The following HS3ST4 variants were observed in gnomAD, a reference collection of about 807,000 sequenced individuals.
HS3ST4 encodes heparan sulfate-glucosamine 3-sulfotransferase 4.
Under a neutral mutation model 29.2 loss-of-function variants are expected in HS3ST4, and 17 were observed. The observed-to-expected ratio is 0.58, with a 90% CI of 0.40 to 0.87. The LOEUF is 0.87. Among genes scored for constraint, HS3ST4 ranks in the 40% least tolerant of loss-of-function variants. The pLI, the probability that HS3ST4 is intolerant of heterozygous loss-of-function variation, is 0.00. For synonymous variants in HS3ST4, 314 were observed against 285.7 expected, an observed-to-expected ratio of 1.10 and a Z score of -1.00; for missense variants, 627 against 634.5, an observed-to-expected ratio of 0.99 and a Z score of 0.13.
At chr16:25,857,896 C>T (rs5010891) in intron 1 of HS3ST4, among the ~76,000 whole-genome samples, 12,622 of 56,902 alleles carry the variant, frequency 0.22, 728 homozygotes, top group East Asian at 0.3. Flanking sequence ...CTTTCTTTTT[C>T]TTTCTTCCTT....
intron 1 of HS3ST4, among the ~76,000 whole-genome samples, chr16:25,944,528 G>A (rs529828777): frequency 6.6e-6 from 1 of 152,336 alleles, no homozygotes; most frequent in South Asian, 2.1e-4. Flanking sequence ...GTAATGAGCT[G>A]GGTTAAGTTA....
intron 1 of HS3ST4, among the ~76,000 whole-genome samples, chr16:25,779,058 C>A (rs1213353183): frequency 6.6e-6 from 1 of 152,192 alleles, no homozygotes; most frequent in African/African-American, 2.4e-5. Context: ...AAAACCTTGT[C>A]TCTTACAGCT....
At chr16:26,093,323 G>C (rs770664294) in intron 1 of HS3ST4, among the ~76,000 whole-genome samples, 3 of 105,012 alleles carry the variant, frequency 2.9e-5, no homozygotes, top group Non-Finnish European at 5.9e-5. Context: ...CTAACTGGGA[G>C]ACATCTCCCA....
At chr16:26,056,123 T>G (rs1898405151) in intron 1 of HS3ST4, among the ~76,000 whole-genome samples, 1 of 151,910 alleles carries the variant, frequency 6.6e-6, no homozygotes, top group South Asian at 2.1e-4. Context: ...AAGCAAACTC[T>G]CCTCCATTTG....
rs147930820 is a variant in HS3ST4, at chr16:25,846,835, G to A, written c.734+153684G>A. On this transcript the variant is annotated intron_variant, in intron 1 of 1. Transcript: ENST00000331351. ...GTGGAGATGAAGTTTTCTCAATACC[G>A]TCGTCAAGTTTTCCGCATGTGCACT... 2.9e-3 allele frequency among the ~76,000 whole-genome samples: 445 copies of A among 152,012 alleles called. 1 individual carries two copies. The highest frequency in any genetic ancestry group is 0.01 in the African/African-American group (430 of 41,472).
At chr16:25,859,233 C>T (rs1354801250) in intron 1 of HS3ST4, among the ~76,000 whole-genome samples, 1 of 152,096 alleles carries the variant, frequency 6.6e-6, no homozygotes, top group Non-Finnish European at 1.5e-5. Flanking sequence ...ATACAATGAG[C>T]TTCTTGGAAA....
chr16:25,826,653 A>C (rs574427926), intron 1 of HS3ST4, among the ~76,000 whole-genome samples: 2 of 152,320 alleles, frequency 1.3e-5, no homozygotes, highest in South Asian at 4.1e-4. Flanking sequence ...CACTATAAAA[A>C]AAAGGAAGAT....
intron 1 of HS3ST4, among the ~76,000 whole-genome samples, chr16:26,113,379 G>T (rs1037923673): frequency 9.3e-5 from 14 of 151,062 alleles, no homozygotes; most frequent in African/African-American, 3.4e-4. Context: ...CCGGGGGGTA[G>T]AGGTTGCAGT....
intron 1 of HS3ST4, among the ~76,000 whole-genome samples, chr16:25,805,296 G>A (rs1966979244): frequency 6.6e-6 from 1 of 152,194 alleles, no homozygotes; most frequent in South Asian, 2.1e-4. Context: ...AGAATTCATT[G>A]ATTTTGGAGA....
At chr16:25,730,284 G>GTAC (rs1318187059) in intron 1 of HS3ST4, among the ~76,000 whole-genome samples, 8 of 152,138 alleles carry the variant, frequency 5.3e-5, no homozygotes, top group Admixed American at 1.3e-4. Flanking sequence ...AAGAAAGTTG[G>GTAC]TACTAGAACA....
chr16:25,947,378 C>G (rs1033255748), intron 1 of HS3ST4, among the ~76,000 whole-genome samples: 2 of 152,032 alleles, frequency 1.3e-5, no homozygotes, highest in Non-Finnish European at 2.9e-5. Context: ...GTGTAACAAC[C>G]CCCTCCGCAA....
intron 1 of HS3ST4, among the ~76,000 whole-genome samples, chr16:25,978,131 A>C (rs141220205): frequency 6.6e-6 from 1 of 152,222 alleles, no homozygotes; most frequent in Non-Finnish European, 1.5e-5. Context: ...AATGGGTACT[A>C]AGCCTGGTAG....
chr16:26,020,054 G>GC (rs1031469821), intron 1 of HS3ST4, among the ~76,000 whole-genome samples: 12 of 151,978 alleles, frequency 7.9e-5, no homozygotes, highest in East Asian at 1.9e-4. Context: ...CCTAAACACC[G>GC]CCCCCCCTAC....
chr16:26,123,040 T>A (rs1374539823), intron 1 of HS3ST4, among the ~76,000 whole-genome samples: 1 of 146,470 alleles, frequency 6.8e-6, no homozygotes, highest in East Asian at 2.0e-4. Context: ...GGTGATAGAG[T>A]GAGACTCTGT....
intron 1 of HS3ST4, among the ~76,000 whole-genome samples, chr16:26,131,747 G>A (rs1471967730): frequency 6.6e-6 from 1 of 152,176 alleles, no homozygotes; most frequent in African/African-American, 2.4e-5. Flanking sequence ...GGTGAGAGAT[G>A]AAAGTGGGGA....
rs745858843 is a variant in HS3ST4, at chr16:25,789,403, TTTCCTTCCTTCCTTCCTTCCTTCCTTCC to T, written c.734+96292_734+96319del. On this transcript the variant is annotated intron_variant, in intron 1 of 1. Transcript: ENST00000331351. ...TTTCTTTCTTTCTCTTTCTTTGTTT[TTTCCTTCCTTCCTTCCTTCCTTCCTTCC>T]TTCCTTCCTTCCTTCCTTCCTTCCT... Among the ~76,000 whole-genome samples the T allele has an allele frequency of 4.2e-3, 309 of 72,736 alleles. 2 individuals are homozygous for T. Among genetic ancestry groups the T allele is most frequent in the African/African-American group, 0.019 (296 of 15,358 alleles). 47.7% of individuals were successfully genotyped at this position (72,736 alleles called of 152,430 possible). A position where few individuals can be genotyped will look rare whatever the true frequency, so the allele number is the denominator to read the frequency against.
chr16:25,855,631 C>T (rs752220900), intron 1 of HS3ST4, among the ~76,000 whole-genome samples: 2 of 152,034 alleles, frequency 1.3e-5, no homozygotes, highest in Non-Finnish European at 2.9e-5. Context: ...GACTAAACTC[C>T]GAAAGGCAAG....
chr16:25,805,333 A>G (rs1596576179), intron 1 of HS3ST4, among the ~76,000 whole-genome samples: 1 of 152,182 alleles, frequency 6.6e-6, no homozygotes, highest in Non-Finnish European at 1.5e-5. Flanking sequence ...GCATCAGTTC[A>G]TTGGTGGAGA....
chr16:25,848,536 T>C (rs541466917), intron 1 of HS3ST4, among the ~76,000 whole-genome samples: 41 of 152,294 alleles, frequency 2.7e-4, no homozygotes, highest in Non-Finnish European at 5.3e-4. Context: ...ATGATCCATT[T>C]AATCTAGATG....
Sources: gnomAD v4.1 joint callset for allele counts (sites outside exome capture counted in the v4.1 genomes callset) on GRCh38, gnomAD v4.1.1 for gene constraint, MANE v1.5 for transcripts, NCBI Gene and HGNC (gene_info 2026-07-23, HGNC 2026-07-21) for gene names.